The following ZER1 variants were observed in gnomAD, a reference collection of about 807,000 sequenced individuals.
ZER1 encodes the protein protein zer-1 homolog.
In ZER1, 11 loss-of-function variants were observed where a neutral mutation model predicts 78.8. The ratio of observed to expected loss-of-function variants is 0.14; its 90% CI spans 0.09 to 0.23. The LOEUF is 0.23. ZER1 is among the 10% of genes least tolerant of loss of function. The pLI is 1.00. For missense variants in ZER1, 588 were observed against 996.9 expected, an observed-to-expected ratio of 0.59 and a Z score of 5.52; for synonymous variants, 400 against 407.0, an observed-to-expected ratio of 0.98 and a Z score of 0.21.
Position 128,753,641 on chromosome 9 carries a change from CCCTTCCCCCGGCCCCAGG to C in ZER1, c.310-59_310-42del, listed in dbSNP as rs1366635942. 1 of 1,598,498 alleles carries C rather than the reference CCCTTCCCCCGGCCCCAGG, an allele frequency of 6.3e-7. No homozygotes were observed. Among genetic ancestry groups the C allele is most frequent in the Non-Finnish European group, 8.5e-7 (1 of 1,171,720 alleles). ...GCTCCATCATCATCACCACCCTTGC[CCCTTCCCCCGGCCCCAGG>C]CCTTGCCCTGGGCTACAGGTGGGTT... is the stretch of plus-strand genomic sequence containing the variant. On this transcript the variant is annotated intron_variant, in intron 3 of 15. Transcript: ENST00000291900. The surrounding 1 kb of genome is among the most constrained non-coding windows in gnomAD (Gnocchi z 7.5).
At chr9:128,759,626 T>A (rs1052999401) in intron 1 of ZER1, among the ~76,000 whole-genome samples, 8 of 151,882 alleles carry the variant, frequency 5.3e-5, no homozygotes, top group Non-Finnish European at 1.2e-4. Flanking sequence ...AAACCTTGTC[T>A]CTACTAAAAA....
chr9:128,741,391 G>C (rs1564395231), intron 11 of ZER1, 144 bp downstream of exon 11: 14 of 1,250,492 alleles, frequency 1.1e-5, no homozygotes, highest in Non-Finnish European at 1.0e-5. Context: ...ATCCTGGGTG[G>C]GTGGGCCTGA....
Position 128,742,759 on chromosome 9 carries a change from G to A in ZER1, c.1360-14C>T, listed in dbSNP as rs1400306580. The stretch of plus-strand genomic sequence containing the variant: ...GTTCCGCTGCACCTGGGCCGGGACA[G>A]GACACAAGTGGGGCACATTCAGGGT... On this transcript the variant is annotated splice_polypyrimidine_tract_variant and intron_variant, in intron 8 of 15. Coordinates refer to ENST00000291900, the MANE Select transcript of ZER1 (RefSeq NM_006336.4). 6.3e-7 allele frequency: 1 copy of A among 1,588,684 alleles called. No homozygotes were observed. The highest frequency in any genetic ancestry group is 1.8e-5 in the Admixed American group (1 of 55,816).
rs1329138075 is a variant in ZER1 at position 128,751,783 on chromosome 9, T to C, written c.924-256A>G. ...ACCACCTGCCATTCTAGTAAGGACATGGCACCTTTAGGTCTCACCAACAAT... is the reference window on the plus strand; with the variant it reads ...ACCACCTGCCATTCTAGTAAGGACACGGCACCTTTAGGTCTCACCAACAAT... On this transcript the variant is annotated intron_variant, in intron 5 of 15. Coordinates refer to ENST00000291900, the MANE Select transcript of ZER1 (RefSeq NM_006336.4). The surrounding 1 kb of genome is among the most constrained non-coding windows in gnomAD (Gnocchi z 5.4). Among the ~76,000 whole-genome samples, 2 of 152,204 alleles carry C rather than the reference T, an allele frequency of 1.3e-5. No homozygotes were observed. Among genetic ancestry groups the C allele is most frequent in the Non-Finnish European group, 2.9e-5 (2 of 68,042 alleles).
chr9:128,734,144 A>AAAATATAT, intron 14 of ZER1, among the ~76,000 whole-genome samples: 3 of 14,456 alleles, frequency 2.1e-4, no homozygotes, highest in African/African-American at 5.6e-4. Flanking sequence ...AAAAAAAAAA[A>AAAATATAT]ATATATATAT....
chr9:128,739,851 A>G, intron 13 of ZER1, 80 bp downstream of exon 13: 1 of 1,510,842 alleles, frequency 6.6e-7, no homozygotes. Flanking sequence ...AGCTCTGAGC[A>G]GACCTTAATG....
At position 128,754,843 on chromosome 9, in the gene ZER1, T is replaced by C. The variant is rs1231570918; in HGVS notation, c.158+565A>G. On this transcript the variant is annotated intron_variant, in intron 2 of 15. Coordinates refer to ENST00000291900, the MANE Select transcript of ZER1 (RefSeq NM_006336.4). This position sits in a 1 kb window ranked among gnomAD's most constrained non-coding sequence, Gnocchi z 4.3. ...CTGGCCACCATCTGGGCCTGTAGATTGAACTCCCAGCATTCAGTGACTGCA... is the reference window on the plus strand; with the variant it reads ...CTGGCCACCATCTGGGCCTGTAGATCGAACTCCCAGCATTCAGTGACTGCA... Among the ~76,000 whole-genome samples, 1 of 152,164 alleles carries C rather than the reference T, an allele frequency of 6.6e-6. No homozygotes were observed. The highest frequency in any genetic ancestry group is 2.4e-5 in the African/African-American group (1 of 41,442).
rs1466577200 is a variant in ZER1 at position 128,729,981 on chromosome 9, G to A, written c.*1356C>T. The A allele has an allele frequency of 6.6e-6, 1 of 152,396 alleles. No homozygotes were observed. The highest frequency in any genetic ancestry group is 1.9e-4 in the East Asian group (1 of 5,184). 9.4% of individuals were successfully genotyped at this position (152,396 alleles called of 1,614,324 possible). A position where few individuals can be genotyped will look rare whatever the true frequency, so the allele number is the denominator to read the frequency against. On this transcript the variant is annotated 3_prime_UTR_variant, in exon 16 of 16. Transcript: ENST00000291900. Reference sequence around the variant, plus strand: ...ACACAGGGCTGCGCCCACTTCCCAGGGCCGGGAGGGAGAGGCTCCAGGAGA... The same window carrying A: ...ACACAGGGCTGCGCCCACTTCCCAGAGCCGGGAGGGAGAGGCTCCAGGAGA...
intron 1 of ZER1, among the ~76,000 whole-genome samples, chr9:128,758,277 G>A (rs1310549832): frequency 4.0e-5 from 6 of 151,448 alleles, no homozygotes; most frequent in African/African-American, 9.7e-5. Flanking sequence ...GCGCCATCAC[G>A]CCGGGCTAAT....
rs1863801105 is a variant in ZER1 at position 128,754,720 on chromosome 9, C to T, written c.158+688G>A. 1.3e-5 allele frequency among the ~76,000 whole-genome samples: 2 copies of T among 151,204 alleles called. No individual in the cohort carries two copies. The highest frequency in any genetic ancestry group is 2.9e-5 in the Non-Finnish European group (2 of 67,876). The stretch of plus-strand genomic sequence containing the variant: ...TTTTTTTTTGGTAGAGACAAGGTCT[C>T]GCTATGTCACCCAGGCTGATCTTGA... On this transcript the variant is annotated intron_variant, in intron 2 of 15. Coordinates refer to ENST00000291900, the MANE Select transcript of ZER1 (RefSeq NM_006336.4). The surrounding 1 kb of genome is among the most constrained non-coding windows in gnomAD (Gnocchi z 4.3).
chr9:128,768,613 C>T (rs1006565953), intron 1 of ZER1, among the ~76,000 whole-genome samples: 1 of 152,172 alleles, frequency 6.6e-6, no homozygotes, highest in African/African-American at 2.4e-5. Context: ...TGGCTCTCAG[C>T]TCCTAAGTGC....
At chr9:128,736,612 G>T (rs1357447165) in intron 13 of ZER1, among the ~76,000 whole-genome samples, 1 of 140,886 alleles carries the variant, frequency 7.1e-6, no homozygotes, top group Non-Finnish European at 1.5e-5. Flanking sequence ...TTGAACTCCT[G>T]ACCACCCGCC....
At chr9:128,746,388 C>A (rs1017245568) in intron 8 of ZER1, among the ~76,000 whole-genome samples, 2 of 151,792 alleles carry the variant, frequency 1.3e-5, no homozygotes, top group Admixed American at 1.3e-4. Context: ...ATTTTGATTT[C>A]CATTTCTGTG....
chr9:128,756,306 C>A (rs1285445320), intron 1 of ZER1, among the ~76,000 whole-genome samples: 1 of 152,058 alleles, frequency 6.6e-6, no homozygotes, highest in Admixed American at 6.6e-5. Context: ...ATTAGCCGGG[C>A]GTGGTGGCGG....
chr9:128,743,028 C>T (rs762757113), intron 8 of ZER1, among the ~76,000 whole-genome samples: 4 of 152,162 alleles, frequency 2.6e-5, no homozygotes, highest in Non-Finnish European at 5.9e-5. Flanking sequence ...GTCAGCACCC[C>T]GAAGTCCCCA....
At chr9:128,749,489 T>A (rs566982331) in intron 8 of ZER1, among the ~76,000 whole-genome samples, 1 of 152,190 alleles carries the variant, frequency 6.6e-6, no homozygotes, top group African/African-American at 2.4e-5. Flanking sequence ...TATATAAATA[T>A]GTTGGCTGGG....
rs1023644469 is a variant in ZER1, at chr9:128,749,026, A to T, written c.1359+1590T>A. Among the ~76,000 whole-genome samples, 15 of 144,284 alleles carry T rather than the reference A, an allele frequency of 1.0e-4. No individual in the cohort carries two copies. In the South Asian group the frequency reaches 2.4e-3, roughly 24 times the overall value. 94.7% of individuals were successfully genotyped at this position (144,284 alleles called of 152,430 possible). A position where few individuals can be genotyped will look rare whatever the true frequency, so the allele number is the denominator to read the frequency against. On this transcript the variant is annotated intron_variant, in intron 8 of 15. Transcript: ENST00000291900. Reference sequence around the variant, plus strand: ...CAGCCTGAGACCCTGTCTTAATTAAAATATATATATATATATTGTGGCTGA... The same window carrying T: ...CAGCCTGAGACCCTGTCTTAATTAATATATATATATATATATTGTGGCTGA...
intron 14 of ZER1, among the ~76,000 whole-genome samples, chr9:128,734,143 A>AT (rs1414407929): frequency 1.7e-3 from 61 of 36,952 alleles, no homozygotes; most frequent in African/African-American, 4.2e-3. Flanking sequence ...AAAAAAAAAA[A>AT]AATATATATA....
At chr9:128,741,273 C>T (rs1272473965) in intron 11 of ZER1, among the ~76,000 whole-genome samples, 1 of 152,226 alleles carries the variant, frequency 6.6e-6, no homozygotes, top group East Asian at 1.9e-4. Flanking sequence ...CAGCTGTGGG[C>T]AGCCTGAGAA....
Sources: gnomAD v4.1 joint callset for allele counts (sites outside exome capture counted in the v4.1 genomes callset) on GRCh38, gnomAD v4.1.1 for gene constraint, Gnocchi (gnomAD v3.1) non-coding constraint, MANE v1.5 for transcripts, NCBI Gene and HGNC (gene_info 2026-07-23, HGNC 2026-07-21) for gene names.